Variants in FRMD4A observed in about 807,000 individuals in gnomAD.
The protein encoded by FRMD4A is FERM domain containing 4A.
A neutral mutation model predicts 129.1 loss-of-function variants in FRMD4A; 29 were observed. The observed-to-expected ratio is 0.22, with a 90% confidence interval of 0.17 to 0.31. The LOEUF (loss-of-function observed/expected upper bound fraction) is 0.31. Ranked by LOEUF, FRMD4A falls within the 10% of genes least tolerant of loss-of-function variation. The pLI, the probability that FRMD4A is intolerant of heterozygous loss-of-function variation, is 1.00. For synonymous variants in FRMD4A, 634 were observed against 571.6 expected (o/e 1.11, Z -1.56); for missense variants, 1,272 against 1,375.8 (o/e 0.92, Z 1.19).
chr10:13,939,790 G>T (rs990804900), intron 2 of FRMD4A, among the ~76,000 whole-genome samples: 1 of 152,194 alleles, frequency 6.6e-6, no homozygotes, highest in Non-Finnish European at 1.5e-5. Context: ...AGGGAAGTCA[G>T]TATCTAGTCT....
intron 16 of FRMD4A, among the ~76,000 whole-genome samples, chr10:13,674,605 T>G (rs1007319039): frequency 1.3e-5 from 2 of 152,212 alleles, no homozygotes; most frequent in Non-Finnish European, 2.9e-5. Context: ...AAAAATTCGC[T>G]AATATTAACA....
intron 15 of FRMD4A, chr10:13,692,864 ACTTTT>A (rs2085844262): frequency 2.0e-5 from 3 of 151,326 alleles, no homozygotes; most frequent in African/African-American, 7.3e-5. Flanking sequence ...CTCATATTCC[ACTTTT>A]CTTTTTTTGT....
Position 13,945,275 on chromosome 10 carries a change from G to T in FRMD4A, c.46-86363C>A, listed in dbSNP as rs140876294. On this transcript the variant is annotated intron_variant, in intron 2 of 24. Transcript: ENST00000357447. ...CCAGTAAAATTTTAATGTCACTTTGGGATAGGGTCTGTATGGTTAGTCTTC... is the reference window on the plus strand; with the variant it reads ...CCAGTAAAATTTTAATGTCACTTTGTGATAGGGTCTGTATGGTTAGTCTTC... Among the ~76,000 whole-genome samples, 7 of 152,268 alleles carry T rather than the reference G, an allele frequency of 4.6e-5. No individual in the cohort carries two copies. In the East Asian group the frequency reaches 1.3e-3, roughly 29 times the overall value.
intron 12 of FRMD4A, chr10:13,707,913 G>A (rs940099696): frequency 3.0e-6 from 3 of 984,594 alleles, no homozygotes; most frequent in Admixed American, 6.2e-5. Context: ...TGACTGTAAT[G>A]TTTGGAAGTA....
chr10:14,093,833 A>G (rs1836791832), intron 2 of FRMD4A, among the ~76,000 whole-genome samples: 1 of 152,066 alleles, frequency 6.6e-6, no homozygotes, highest in Non-Finnish European at 1.5e-5. Context: ...GATATCCTAG[A>G]ATGTTTAATT....
At chr10:14,111,408 G>A (rs1473259398) in intron 2 of FRMD4A, among the ~76,000 whole-genome samples, 1 of 152,154 alleles carries the variant, frequency 6.6e-6, no homozygotes, top group Non-Finnish European at 1.5e-5. Context: ...ATCCCAAGCT[G>A]TGATTTGGCT....
At chr10:13,813,873 A>AT (rs1421198263) in intron 3 of FRMD4A, among the ~76,000 whole-genome samples, 2 of 152,276 alleles carry the variant, frequency 1.3e-5, no homozygotes, top group Non-Finnish European at 2.9e-5. Context: ...TAGAAAAATC[A>AT]TAAGTCAGAC....
At chr10:13,877,194 G>T (rs1564957209) in intron 2 of FRMD4A, among the ~76,000 whole-genome samples, 1 of 152,090 alleles carries the variant, frequency 6.6e-6, no homozygotes, top group Non-Finnish European at 1.5e-5. Context: ...TCCACCCTTG[G>T]GTCTTTGGTG....
At chr10:13,908,262 A>G (rs1284853988) in intron 2 of FRMD4A, among the ~76,000 whole-genome samples, 2 of 151,898 alleles carry the variant, frequency 1.3e-5, no homozygotes, top group Non-Finnish European at 2.9e-5. Context: ...TGCTTATTGA[A>G]AGCAAGAGAG....
chr10:13,693,778 G>T, intron 15 of FRMD4A, 120 bp downstream of exon 15: 1 of 1,085,824 alleles, frequency 9.2e-7, no homozygotes, highest in Non-Finnish European at 1.4e-6. Context: ...GGAAAGCAAA[G>T]CCAGCTTTGG....
intron 2 of FRMD4A, among the ~76,000 whole-genome samples, chr10:13,964,136 A>C (rs2095467286): frequency 6.6e-6 from 1 of 151,762 alleles, no homozygotes; most frequent in South Asian, 2.1e-4. Flanking sequence ...GCATTAGAAA[A>C]AAAAAAAAAA....
chr10:14,125,015 G>T (rs528023763), intron 2 of FRMD4A, among the ~76,000 whole-genome samples: 1 of 152,288 alleles, frequency 6.6e-6, no homozygotes, highest in Middle Eastern at 3.4e-3. Context: ...AGTGCATGAA[G>T]CCCTGTGTAG....
At chr10:13,786,290 CCTGA>C (rs1332508923) in intron 5 of FRMD4A, among the ~76,000 whole-genome samples, 1 of 152,176 alleles carries the variant, frequency 6.6e-6, no homozygotes, top group African/African-American at 2.4e-5. Flanking sequence ...CCTGTTGTTT[CCTGA>C]CTTTTTAATG....
chr10:14,027,383 A>G (rs945752082), intron 2 of FRMD4A, among the ~76,000 whole-genome samples: 1 of 152,190 alleles, frequency 6.6e-6, no homozygotes, highest in African/African-American at 2.4e-5. Flanking sequence ...GCTCACGCCT[A>G]TAATCCCAGC....
intron 2 of FRMD4A, chr10:14,087,460 C>T (rs1386891465): frequency 6.6e-6 from 1 of 151,812 alleles, no homozygotes; most frequent in Non-Finnish European, 1.5e-5. Context: ...TTTTCTGGCA[C>T]AGAAGCACTA....
intron 2 of FRMD4A, among the ~76,000 whole-genome samples, chr10:13,924,343 A>T (rs1371311338): frequency 6.6e-6 from 1 of 152,160 alleles, no homozygotes; most frequent in African/African-American, 2.4e-5. Context: ...GCCAGCCTAA[A>T]AAATCAACAT....
intron 2 of FRMD4A, among the ~76,000 whole-genome samples, chr10:13,976,093 G>A (rs2095541294): frequency 6.6e-6 from 1 of 152,170 alleles, no homozygotes; most frequent in South Asian, 2.1e-4. Context: ...ACAGAGTAAG[G>A]AGCAGTCACT....
chr10:13,707,430 T>A, intron 12 of FRMD4A: 2 of 1,058,846 alleles, frequency 1.9e-6, no homozygotes, highest in Non-Finnish European at 2.3e-6. Flanking sequence ...CTTGGCAGAC[T>A]TTTCCCTTCC....
chr10:13,867,857 A>G (rs1402073085), intron 2 of FRMD4A, among the ~76,000 whole-genome samples: 9 of 139,516 alleles, frequency 6.5e-5, no homozygotes. Flanking sequence ...ATAATATAAT[A>G]TATAATGTAA....
Sources: allele counts gnomAD v4.1 joint callset (sites outside exome capture counted in the v4.1 genomes callset), GRCh38; gene constraint gnomAD v4.1.1; transcripts MANE v1.5; gene names NCBI Gene and HGNC (gene_info 2026-07-23, HGNC 2026-07-21).